Variants in KAZN observed in about 807,000 individuals in gnomAD.
KAZN encodes kazrin, periplakin interacting protein.
A neutral mutation model predicts 87.4 loss-of-function variants in KAZN; 40 were observed. That is an observed-to-expected ratio of 0.46 (90% CI 0.36 to 0.60). The LOEUF (loss-of-function observed/expected upper bound fraction) is 0.60, where lower values mean the gene tolerates loss of function less well. Ranked by LOEUF, KAZN falls within the 20% of genes least tolerant of loss-of-function variation. KAZN has a pLI of 0.00. For missense variants in KAZN, 898 were observed against 1,073.9 expected (o/e 0.84, Z 2.29); for synonymous variants, 466 against 458.3 (o/e 1.02, Z -0.22).
intron 1 of KAZN, among the ~76,000 whole-genome samples, chr1:14,750,498 G>A (rs1015572887): frequency 6.6e-6 from 1 of 151,368 alleles, no homozygotes; most frequent in African/African-American, 2.4e-5. Flanking sequence ...CTCATAACTT[G>A]CCATCTTTTT....
chr1:15,091,615 A>T (rs770670052), intron 8 of KAZN, among the ~76,000 whole-genome samples: 1 of 152,198 alleles, frequency 6.6e-6, no homozygotes, highest in Non-Finnish European at 1.5e-5. Flanking sequence ...AAGTGCTGGG[A>T]TTACAGGCGT....
intron 1 of KAZN, among the ~76,000 whole-genome samples, chr1:14,804,023 G>A (rs931594742): frequency 6.6e-6 from 1 of 152,202 alleles, no homozygotes; most frequent in Non-Finnish European, 1.5e-5. Flanking sequence ...TCAGCCTCTT[G>A]CCTGATCTTG....
chr1:14,379,399 C>A (rs1263547420), intron 2 of KAZN, among the ~76,000 whole-genome samples: 1 of 152,064 alleles, frequency 6.6e-6, no homozygotes, highest in Non-Finnish European at 1.5e-5. Context: ...ACCTTAGGTA[C>A]CTGCTCAGCC....
rs12744576 is a variant in KAZN at position 14,598,933 on chromosome 1, G to T, written c.-65G>T. On this transcript the variant is annotated 5_prime_UTR_variant, in exon 1 of 15. Transcript: ENST00000376030. The surrounding 1 kb of genome is among the most constrained non-coding windows in gnomAD (Gnocchi z 4.2). ...CAGGTAGAGCCGGGGGTGCCCGGCCGCGCGCCCCCCGCGCATCATGCAGCT... is the reference window on the plus strand; with the variant it reads ...CAGGTAGAGCCGGGGGTGCCCGGCCTCGCGCCCCCCGCGCATCATGCAGCT... The T allele has an allele frequency of 5.1e-6, 8 of 1,554,208 alleles. No homozygotes were observed. The African/African-American group carries it at 7.1e-5, about 14-fold the overall frequency.
At chr1:13,969,077 A>G (rs749444778) in intron 1 of KAZN, among the ~76,000 whole-genome samples, 1 of 152,200 alleles carries the variant, frequency 6.6e-6, no homozygotes, top group Non-Finnish European at 1.5e-5. Flanking sequence ...TTAATTCAGT[A>G]TATGCCATGT....
chr1:14,694,889 G>A (rs571924466), intron 1 of KAZN, among the ~76,000 whole-genome samples: 18 of 152,300 alleles, frequency 1.2e-4, no homozygotes, highest in East Asian at 1.9e-4. Context: ...TTATACAAGG[G>A]CAAGCACAGG....
At chr1:13,923,684 G>C (rs1022779285) in intron 1 of KAZN, among the ~76,000 whole-genome samples, 2 of 151,992 alleles carry the variant, frequency 1.3e-5, no homozygotes, top group Non-Finnish European at 2.9e-5. Flanking sequence ...GGAGGAGGAT[G>C]AGGAGGGGTT....
At chr1:14,574,722 C>G (rs577419647) in intron 2 of KAZN, among the ~76,000 whole-genome samples, 3 of 152,242 alleles carry the variant, frequency 2.0e-5, no homozygotes, top group African/African-American at 7.2e-5. Flanking sequence ...TGCTGTTGGC[C>G]AAGCTGAATG....
At chr1:14,205,470 G>A (rs1244078156) in intron 2 of KAZN, among the ~76,000 whole-genome samples, 1 of 152,080 alleles carries the variant, frequency 6.6e-6, no homozygotes, top group Non-Finnish European at 1.5e-5. Context: ...CATCATAATT[G>A]TTAGAAATTT....
At position 15,116,626 on chromosome 1, in the gene KAZN, A is replaced by AG. The variant is rs1236639008; in HGVS notation, c.*1993dup. ...AGACCTCCCTCCAACCTGGTGCCAC[A>AG]GGTCTCTCCCAAGCCACATCCAGCC... On this transcript the variant is annotated 3_prime_UTR_variant, in exon 15 of 15. Coordinates refer to ENST00000376030, the MANE Select transcript of KAZN (RefSeq NM_201628.3). 1 of 152,250 alleles carries AG rather than the reference A, an allele frequency of 6.6e-6. No homozygotes were observed. The highest frequency in any genetic ancestry group is 1.5e-5 in the Non-Finnish European group (1 of 68,048). 9.4% of individuals were successfully genotyped at this position (152,250 alleles called of 1,614,324 possible). A position where few individuals can be genotyped will look rare whatever the true frequency, so the allele number is the denominator to read the frequency against.
intron 1 of KAZN, among the ~76,000 whole-genome samples, chr1:13,973,232 C>G (rs952599528): frequency 6.6e-6 from 1 of 152,186 alleles, no homozygotes; most frequent in African/African-American, 2.4e-5. Flanking sequence ...TTCATAACAA[C>G]CTCATGGAGG....
At chr1:15,060,566 C>A in intron 6 of KAZN, 1 of 478,702 alleles carries the variant, frequency 2.1e-6, no homozygotes, top group Non-Finnish European at 3.8e-6. Flanking sequence ...CAGGCACAGC[C>A]TGGAACTCTG....
intron 1 of KAZN, among the ~76,000 whole-genome samples, chr1:14,040,063 ACGTGTGTGTGTGTGCACGTGTGTGTGT>A (rs2101390359): frequency 1.3e-5 from 2 of 150,536 alleles, no homozygotes; most frequent in East Asian, 3.9e-4. Flanking sequence ...GTGTGTGTGC[ACGTGTGTGTGTGTGCACGTGTGTGTGT>A]GAGAGAGAGA....
In KAZN at chr1:15,026,952, G is replaced by T. The variant is rs1671225460; in HGVS notation, c.419-7797G>T. 2.0e-5 allele frequency among the ~76,000 whole-genome samples: 3 copies of T among 151,928 alleles called. No homozygotes were observed. In the South Asian group the frequency reaches 6.2e-4, roughly 31 times the overall value. On this transcript the variant is annotated intron_variant, in intron 2 of 14. Transcript: ENST00000376030. Reference sequence around the variant, plus strand: ...GAGCATCGGTGGATTTTGGTATTTGGGGGAGCTCCTGGAACCAATGCCACA... The same window carrying T: ...GAGCATCGGTGGATTTTGGTATTTGTGGGAGCTCCTGGAACCAATGCCACA...
In KAZN at chr1:15,114,593, C is replaced by T. The variant is rs747300540; in HGVS notation, c.2286C>T (p.Cys762=). The change falls in exon 15 of 15, where the codon TGC becomes TGT. Residue 762 remains cysteine, a synonymous_variant. Transcript: ENST00000376030. The stretch of plus-strand genomic sequence containing the variant: ...ACCCCCAGAGCAGGCTGGAACAGTG[C>T]CGTCTGGAAGGCTACAACAGCCTGG... ...DDDPQSRLEQ[C]RLEGYNSLEV... 1.9e-6 allele frequency: 3 copies of T among 1,600,358 alleles called. No individual in the cohort carries two copies. The highest frequency in any genetic ancestry group is 2.6e-6 in the Non-Finnish European group (3 of 1,173,316).
At chr1:14,329,380 C>A (rs550549266) in intron 2 of KAZN, among the ~76,000 whole-genome samples, 1 of 152,166 alleles carries the variant, frequency 6.6e-6, no homozygotes, top group Non-Finnish European at 1.5e-5. Flanking sequence ...CAGAGATAGT[C>A]CCCAAAACTA....
At chr1:14,730,089 CT>C (rs1287692317) in intron 1 of KAZN, among the ~76,000 whole-genome samples, 4 of 151,908 alleles carry the variant, frequency 2.6e-5, no homozygotes, top group Admixed American at 2.0e-4. Context: ...ATAAAGTATC[CT>C]TTTTTTTAAA....
intron 2 of KAZN, among the ~76,000 whole-genome samples, chr1:14,513,724 A>G (rs75312752): frequency 0.015 from 2,259 of 152,276 alleles, 93 homozygotes; most frequent in East Asian, 0.12. Flanking sequence ...TCAACTTTAC[A>G]TCCTAAAATG....
chr1:14,748,632 C>T (rs1337832556), intron 1 of KAZN, among the ~76,000 whole-genome samples: 2 of 152,204 alleles, frequency 1.3e-5, no homozygotes, highest in Non-Finnish European at 2.9e-5. Context: ...AGCTTTTCAC[C>T]TACATGAGTT....
Sources: allele counts gnomAD v4.1 joint callset (sites outside exome capture counted in the v4.1 genomes callset), GRCh38; gene constraint gnomAD v4.1.1; non-coding constraint Gnocchi (gnomAD v3.1); transcripts MANE v1.5; gene names NCBI Gene and HGNC (gene_info 2026-07-23, HGNC 2026-07-21).